The following NTPCR variants were observed in gnomAD, a reference collection of about 807,000 sequenced individuals.
NTPCR encodes the protein cancer-related nucleoside-triphosphatase.
In NTPCR, 15 loss-of-function variants were observed where a neutral mutation model predicts 19.5. The observed-to-expected ratio is 0.77, with a 90% CI of 0.51 to 1.18. The LOEUF is 1.18. Among genes scored for constraint, NTPCR ranks in the 50% most tolerant of loss-of-function variants. The probability of loss-of-function intolerance (pLI) is 0.00; values close to 1 mark genes in which losing one functional copy is unlikely to be tolerated. For missense variants in NTPCR, 206 were observed against 240.4 expected, an observed-to-expected ratio of 0.86 and a Z score of 0.95; for synonymous variants, 90 against 95.8, an observed-to-expected ratio of 0.94 and a Z score of 0.36.
At chr1:232,977,133 T>G (rs538288265) in intron 4 of NTPCR, 1 of 152,482 alleles carries the variant, frequency 6.6e-6, no homozygotes, top group African/African-American at 2.4e-5. Flanking sequence ...TCCCTGCTCT[T>G]ACCGGGAACC....
intron 3 of NTPCR, chr1:232,969,691 C>A: frequency 2.1e-6 from 1 of 478,088 alleles, no homozygotes; most frequent in Non-Finnish European, 3.8e-6. Flanking sequence ...TGCCAGCTTC[C>A]AAGAGTCCTA....
intron 4 of NTPCR, among the ~76,000 whole-genome samples, chr1:232,975,432 T>G (rs903188227): frequency 2.0e-5 from 3 of 152,200 alleles, no homozygotes; most frequent in Admixed American, 2.0e-4. Context: ...CTGCTTATGT[T>G]CTGACTTTAA....
intron 1 of NTPCR, among the ~76,000 whole-genome samples, chr1:232,951,363 C>G (rs537964177): frequency 6.6e-6 from 1 of 152,028 alleles, no homozygotes; most frequent in South Asian, 2.1e-4. Context: ...TTGTTCCTGT[C>G]GCTGTCCCCT....
At position 232,955,546 on chromosome 1, in the gene NTPCR, T is replaced by A; in HGVS notation, c.35-11T>A. On this transcript the variant is annotated splice_polypyrimidine_tract_variant and intron_variant, in intron 1 of 4. Transcript: ENST00000366628. ...GCTTTTCTTCTTTTTTTTTTTTTTTTTTTATTTTAGGAGTTGGAAAAACAA... is the reference window on the plus strand; with the variant it reads ...GCTTTTCTTCTTTTTTTTTTTTTTTATTTATTTTAGGAGTTGGAAAAACAA... The A allele has an allele frequency of 5.4e-6, 8 of 1,494,136 alleles. No individual in the cohort carries two copies. The highest frequency in any genetic ancestry group is 2.5e-5 in the East Asian group (1 of 40,278). The allele number at this position is 1,494,136 out of a possible 1,614,324, so 92.6% of individuals were successfully genotyped here.
In NTPCR at chr1:232,969,974, C is replaced by G; in HGVS notation, c.360C>G (p.Leu120=). ...TCGATGAGATTGGGAAGATGGAGCT[C>G]TTCAGTCAGCTTTTCATTCAAGCTG... The part of the protein sequence containing the change: ...CVIDEIGKME[L]FSQLFIQAVR... Residue 120 remains leucine, a synonymous_variant, in exon 4 of 5, where the codon CTC becomes CTG. Coordinates refer to ENST00000366628, the MANE Select transcript of NTPCR (RefSeq NM_032324.3). 6.2e-7 allele frequency: 1 copy of G among 1,614,082 alleles called. No homozygotes were observed. The highest frequency in any genetic ancestry group is 8.5e-7 in the Non-Finnish European group (1 of 1,180,006).
intron 3 of NTPCR, among the ~76,000 whole-genome samples, chr1:232,958,107 G>A (rs1668562891): frequency 6.6e-6 from 1 of 152,206 alleles, no homozygotes; most frequent in Non-Finnish European, 1.5e-5. Flanking sequence ...GTTAAGGAAT[G>A]TGAGTGTCAT....
intron 3 of NTPCR, among the ~76,000 whole-genome samples, chr1:232,960,213 CAAAAAAA>C (rs755184503): frequency 0.016 from 426 of 27,478 alleles, 3 homozygotes; most frequent in Non-Finnish European, 0.024. Context: ...GACTCCATCT[CAAAAAAA>C]AAAAAAAAAA....
At chr1:232,965,567 A>G (rs1038214846) in intron 3 of NTPCR, 4 of 152,332 alleles carry the variant, frequency 2.6e-5, no homozygotes, top group African/African-American at 9.7e-5. Flanking sequence ...GGATGGCAGT[A>G]CCTTGAGAGG....
At chr1:232,955,752 A>G in intron 2 of NTPCR, 33 bp downstream of exon 2, 2 of 1,599,824 alleles carry the variant, frequency 1.3e-6, no homozygotes, top group Non-Finnish European at 1.7e-6. Flanking sequence ...GTGTTCTATT[A>G]TCTAAGCTCC....
At chr1:232,952,839 CT>C (rs1668408839) in intron 1 of NTPCR, among the ~76,000 whole-genome samples, 1 of 152,156 alleles carries the variant, frequency 6.6e-6, no homozygotes, top group African/African-American at 2.4e-5. Context: ...CTTAGTGCCC[CT>C]GGCACTTAGC....
At chr1:232,966,735 A>G (rs1158129900) in intron 3 of NTPCR, 1 of 152,178 alleles carries the variant, frequency 6.6e-6, no homozygotes, top group African/African-American at 2.4e-5. Context: ...CAGGGAAACT[A>G]AAAGTGCGCT....
intron 4 of NTPCR, among the ~76,000 whole-genome samples, chr1:232,975,186 G>A (rs1669092724): frequency 6.6e-6 from 1 of 152,184 alleles, no homozygotes; most frequent in Non-Finnish European, 1.5e-5. Flanking sequence ...GCAGTGAGTG[G>A]ATATTATCTG....
chr1:232,952,535 G>C (rs1356254318), intron 1 of NTPCR, among the ~76,000 whole-genome samples: 3 of 151,894 alleles, frequency 2.0e-5, no homozygotes, highest in African/African-American at 2.4e-5. Flanking sequence ...TATTGAGACA[G>C]GGCCTCTCTC....
intron 4 of NTPCR, among the ~76,000 whole-genome samples, chr1:232,975,689 C>G (rs1289384089): frequency 6.6e-6 from 1 of 152,112 alleles, no homozygotes; most frequent in Non-Finnish European, 1.5e-5. Flanking sequence ...TACCAAGGGC[C>G]CCCCTACAGC....
At chr1:232,963,134 T>C (rs1668713199) in intron 3 of NTPCR, 1 of 152,206 alleles carries the variant, frequency 6.6e-6, no homozygotes, top group South Asian at 2.1e-4. Context: ...AAGTATGTAA[T>C]GCAGGATCAG....
At chr1:232,957,939 T>G (rs182356644) in intron 3 of NTPCR, among the ~76,000 whole-genome samples, 98 of 152,084 alleles carry the variant, frequency 6.4e-4, no homozygotes, top group African/African-American at 2.3e-3. Context: ...GAGTTAGTAT[T>G]GGGGTATTTG....
intron 3 of NTPCR, chr1:232,967,251 T>C (rs1196502645): frequency 6.6e-6 from 1 of 152,212 alleles, no homozygotes; most frequent in East Asian, 1.9e-4. Flanking sequence ...AGACCTTGAG[T>C]GTATGATCTT....
intron 3 of NTPCR, among the ~76,000 whole-genome samples, chr1:232,957,659 CTATT>C (rs1668550843): frequency 6.6e-6 from 1 of 152,080 alleles, no homozygotes; most frequent in Admixed American, 6.6e-5. Context: ...TTTTATGTAT[CTATT>C]TATCAGATAT....
rs1668932756 is a variant in NTPCR, at chr1:232,970,031, A to C, written c.417A>C (p.Ile139=). Residue 139 remains isoleucine (I), a synonymous_variant, in exon 4 of 5, where the codon ATA becomes ATC. Coordinates refer to ENST00000366628, the MANE Select transcript of NTPCR (RefSeq NM_032324.3). ...VRQTLSTPGT[I]ILGTIPVPKG... ...AGACGCTGTCTACCCCAGGGACTAT[A>C]ATCCTTGGCACAATCCCAGTTCCTA... 6.2e-7 allele frequency: 1 copy of C among 1,614,004 alleles called. No homozygotes were observed. Among genetic ancestry groups the C allele is most frequent in the South Asian group, 1.1e-5 (1 of 91,076 alleles).
Sources: allele counts gnomAD v4.1 joint callset (sites outside exome capture counted in the v4.1 genomes callset), GRCh38; gene constraint gnomAD v4.1.1; transcripts MANE v1.5; gene names NCBI Gene and HGNC (gene_info 2026-07-23, HGNC 2026-07-21).